FZD3: variants seen among roughly 807,000 people sequenced by gnomAD.
FZD3 encodes the protein frizzled class receptor 3.
FZD3 carries 30 observed loss-of-function variants against 60.7 expected under a neutral mutation model. That is an observed-to-expected ratio of 0.49 (90% CI 0.37 to 0.67). FZD3 has a LOEUF of 0.67. Ranked by LOEUF, FZD3 falls within the 30% of genes least tolerant of loss-of-function variation. The pLI is 0.00. For missense variants in FZD3, 605 were observed against 838.7 expected (o/e 0.72, Z 3.44); for synonymous variants, 246 against 275.2 (o/e 0.89, Z 1.05).
chr8:28,529,495 T>C (rs1312981454), intron 5 of FZD3, among the ~76,000 whole-genome samples: 1 of 152,164 alleles, frequency 6.6e-6, no homozygotes, highest in Non-Finnish European at 1.5e-5. Flanking sequence ...ATGATAGTAA[T>C]GATATTGTGG....
rs544889883 is a variant in FZD3, at chr8:28,521,726, T to G, written c.386+892T>G. On this transcript the variant is annotated intron_variant, in intron 4 of 7. Transcript: ENST00000240093. ...ATAAACAATACAGCTTTTTTGTATG[T>G]ATCTATCTATGTTTGTACCTGTAAC... 2.1e-4 allele frequency among the ~76,000 whole-genome samples: 32 copies of G among 152,304 alleles called. 1 individual carries two copies. The East Asian group carries it at 2.3e-3, about 11-fold the overall frequency.
intron 3 of FZD3, among the ~76,000 whole-genome samples, chr8:28,518,064 G>T (rs1804478920): frequency 6.6e-6 from 1 of 151,906 alleles, no homozygotes; most frequent in African/African-American, 2.4e-5. Context: ...CAGAGACAGG[G>T]TCTCACTCTG....
chr8:28,548,004 C>T (rs553078588), intron 5 of FZD3, among the ~76,000 whole-genome samples: 1 of 152,066 alleles, frequency 6.6e-6, no homozygotes, highest in South Asian at 2.1e-4. Context: ...AGGCGCCCAC[C>T]ATCACACCTG....
At position 28,566,464 on chromosome 8, in the gene FZD3, C is replaced by G. The variant is rs1805707661; in HGVS notation, c.*3453C>G. 1 of 152,120 alleles carries G rather than the reference C, an allele frequency of 6.6e-6. No homozygotes were observed. Among genetic ancestry groups the G allele is most frequent in the African/African-American group, 2.4e-5 (1 of 41,436 alleles). 9.4% of individuals were successfully genotyped at this position (152,120 alleles called of 1,614,324 possible). A position where few individuals can be genotyped will look rare whatever the true frequency, so the allele number is the denominator to read the frequency against. ...CTTCAAATCAACCTTTCTTTTTCTGCTGCTCTTAGAGCAGATTTATAAAAA... is the reference window on the plus strand; with the variant it reads ...CTTCAAATCAACCTTTCTTTTTCTGGTGCTCTTAGAGCAGATTTATAAAAA... On this transcript the variant is annotated 3_prime_UTR_variant, in exon 8 of 8. Coordinates refer to ENST00000240093, the MANE Select transcript of FZD3 (RefSeq NM_017412.4).
chr8:28,502,349 G>T (rs966023446), intron 2 of FZD3, among the ~76,000 whole-genome samples: 1 of 152,030 alleles, frequency 6.6e-6, no homozygotes, highest in South Asian at 2.1e-4. Context: ...TAGGACAATA[G>T]CATAATAATT....
At chr8:28,541,267 T>C (rs771420813) in intron 5 of FZD3, among the ~76,000 whole-genome samples, 74 of 152,220 alleles carry the variant, frequency 4.9e-4, no homozygotes, top group African/African-American at 1.6e-3. Context: ...AAAACAGGTG[T>C]TATTTGAGTT....
intron 5 of FZD3, among the ~76,000 whole-genome samples, chr8:28,548,053 A>C (rs1805336171): frequency 6.6e-6 from 1 of 151,916 alleles, no homozygotes. Flanking sequence ...GGGTTTCACC[A>C]TATTGGTCAG....
At position 28,507,326 on chromosome 8, in the gene FZD3, G is replaced by T. The variant is rs117147284; in HGVS notation, c.189+4124G>T. On this transcript the variant is annotated intron_variant, in intron 3 of 7. Transcript: ENST00000240093. ...TTATTTTGCTGATTGCATCCCTGTG[G>T]TGTTGTTTACCGTGTCTCTGTCTCA... Among the ~76,000 whole-genome samples, 643 of 152,148 alleles carry T rather than the reference G, an allele frequency of 4.2e-3. 3 individuals carry two copies. The highest frequency in any genetic ancestry group is 0.014 in the Middle Eastern group (4 of 294).
chr8:28,535,067 G>C (rs537544867), intron 5 of FZD3, among the ~76,000 whole-genome samples: 1 of 152,138 alleles, frequency 6.6e-6, no homozygotes, highest in Admixed American at 6.5e-5. Flanking sequence ...TCAAATATCT[G>C]AAAAAATTAG....
chr8:28,573,253 G>T lies in FZD3; in HGVS notation c.*10242G>T, dbSNP rs1293245735. 1 of 152,072 alleles carries T rather than the reference G, an allele frequency of 6.6e-6. No homozygotes were observed. Among genetic ancestry groups the T allele is most frequent in the Non-Finnish European group, 1.5e-5 (1 of 67,994 alleles). The allele number at this position is 152,072 out of a possible 1,614,324, so 9.4% of individuals were successfully genotyped here. ...TTTGCTTTAACTAATTTATATTAAAGTGTTAGTGACTATAGCCCTTTTATC... is the reference window on the plus strand; with the variant it reads ...TTTGCTTTAACTAATTTATATTAAATTGTTAGTGACTATAGCCCTTTTATC... On this transcript the variant is annotated 3_prime_UTR_variant, in exon 8 of 8. Coordinates refer to ENST00000240093, the MANE Select transcript of FZD3 (RefSeq NM_017412.4).
intron 6 of FZD3, 143 bp from the exon 7 acceptor site, chr8:28,555,592 TCAA>T (rs772177463): frequency 4.9e-6 from 3 of 618,404 alleles, no homozygotes; most frequent in East Asian, 2.7e-5. Flanking sequence ...CTTTCCTCTG[TCAA>T]CAATGTTTCT....
At position 28,527,218 on chromosome 8, in the gene FZD3, C is replaced by G; in HGVS notation, c.458C>G (p.Ala153Gly). The part of the protein sequence containing the change: ...LNLAGEPTEG[A>G]PVAVQRDYGF... ...TTAGCTGGAGAACCAACTGAAGGAGCCCCAGTGGCAGTGCAGAGAGACTAT... is the reference window on the plus strand; with the variant it reads ...TTAGCTGGAGAACCAACTGAAGGAGGCCCAGTGGCAGTGCAGAGAGACTAT... Residue 153 changes from alanine (A) to glycine (G), a missense_variant, in exon 5 of 8, where the codon GCC (alanine) becomes GGC (glycine). Transcript: ENST00000240093. The surrounding 1 kb of genome is among the most constrained non-coding windows in gnomAD (Gnocchi z 5.0). The G allele has an allele frequency of 6.2e-7, 1 of 1,613,492 alleles. No homozygotes were observed. Among genetic ancestry groups the G allele is most frequent in the Admixed American group, 1.7e-5 (1 of 59,982 alleles).
rs1805418074 is a variant in FZD3, at chr8:28,551,892, G to A, written c.1553+141G>A. On this transcript the variant is annotated intron_variant, in intron 6 of 7. Transcript: ENST00000240093. ...TTTCAGCAGTATCCAGTTATGATTG[G>A]CACAGTAGCATGTCTTAATTTAAAA... 1.0e-5 allele frequency: 7 copies of A among 680,298 alleles called. 1 individual carries two copies. Among genetic ancestry groups the A allele is most frequent in the Non-Finnish European group, 7.2e-6 (3 of 416,820 alleles). The allele number at this position is 680,298 out of a possible 1,614,324, so 42.1% of individuals were successfully genotyped here. A position where few individuals can be genotyped will look rare whatever the true frequency, so the allele number is the denominator to read the frequency against.
rs537672856 is a variant in FZD3 at position 28,570,624 on chromosome 8, CAAA to C, written c.*7624_*7626del. ...TGGGCAACGGAGCGAGACTCTATCT[CAAA>C]AAAAAAAAAAGAAAAAAAAAAAAGT... On this transcript the variant is annotated 3_prime_UTR_variant, in exon 8 of 8. Transcript: ENST00000240093. The C allele has an allele frequency of 3.9e-5, 4 of 103,754 alleles. No homozygotes were observed. The highest frequency in any genetic ancestry group is 3.1e-4 in the South Asian group (1 of 3,246). 6.4% of individuals were successfully genotyped at this position (103,754 alleles called of 1,614,324 possible).
At chr8:28,521,938 G>A (rs1198727541) in intron 4 of FZD3, among the ~76,000 whole-genome samples, 1 of 152,020 alleles carries the variant, frequency 6.6e-6, no homozygotes, top group African/African-American at 2.4e-5. Context: ...GCTCTTGGAG[G>A]CGAGTAAAGC....
At chr8:28,545,168 A>G (rs1021000380) in intron 5 of FZD3, among the ~76,000 whole-genome samples, 1 of 152,244 alleles carries the variant, frequency 6.6e-6, no homozygotes, top group Non-Finnish European at 1.5e-5. Flanking sequence ...AGCAACCACT[A>G]TGGTAGCTAC....
chr8:28,514,783 C>T (rs564994647), intron 3 of FZD3, among the ~76,000 whole-genome samples: 70 of 152,262 alleles, frequency 4.6e-4, no homozygotes, highest in African/African-American at 1.5e-3. Flanking sequence ...AGCAGGGTTC[C>T]TCCTTATGCC....
At position 28,535,667 on chromosome 8, in the gene FZD3, GAATT is replaced by G. The variant is rs200695740; in HGVS notation, c.1404+7509_1404+7512del. On this transcript the variant is annotated intron_variant, in intron 5 of 7. Transcript: ENST00000240093. ...AAGTAGTATTGAATGCCTAAATTCT[GAATT>G]AATTATGAAATATAGTCTGAGTAGT... is the stretch of plus-strand genomic sequence containing the variant. Among the ~76,000 whole-genome samples the G allele has an allele frequency of 9.0e-3, 1,370 of 152,154 alleles. 8 individuals carry two copies. Among genetic ancestry groups the G allele is most frequent in the African/African-American group, 0.02 (814 of 41,510 alleles).
intron 2 of FZD3, among the ~76,000 whole-genome samples, chr8:28,500,905 C>T (rs979119474): frequency 2.0e-5 from 3 of 152,114 alleles, no homozygotes; most frequent in South Asian, 2.1e-4. Context: ...GGACTACAGG[C>T]GCCTGCCACC....
Sources: gnomAD v4.1 joint callset for allele counts (sites outside exome capture counted in the v4.1 genomes callset) on GRCh38, gnomAD v4.1.1 for gene constraint, Gnocchi (gnomAD v3.1) non-coding constraint, MANE v1.5 for transcripts, NCBI Gene and HGNC (gene_info 2026-07-23, HGNC 2026-07-21) for gene names.